UBE3D: variants seen among roughly 807,000 people sequenced by gnomAD.
UBE3D encodes the protein E3 ubiquitin-protein ligase E3D.
UBE3D carries 48 observed loss-of-function variants against 49.6 expected under a neutral mutation model. The observed-to-expected ratio is 0.97, with a 90% CI of 0.77 to 1.23. UBE3D has a LOEUF of 1.23. Among genes scored for constraint, UBE3D ranks in the 50% most tolerant of loss-of-function variants. The pLI is 0.00. For synonymous variants in UBE3D, 189 were observed against 174.2 expected, an observed-to-expected ratio of 1.08 and a Z score of -0.67; for missense variants, 452 against 468.4, an observed-to-expected ratio of 0.96 and a Z score of 0.32.
At chr6:82,895,324 A>C (rs1392634530) in intron 9 of UBE3D, among the ~76,000 whole-genome samples, 1 of 152,142 alleles carries the variant, frequency 6.6e-6, no homozygotes, top group Non-Finnish European at 1.5e-5. Context: ...AAGAAGAAAA[A>C]AAGAAAATGG....
At chr6:83,016,335 T>A (rs1780693373) in intron 8 of UBE3D, among the ~76,000 whole-genome samples, 1 of 152,190 alleles carries the variant, frequency 6.6e-6, no homozygotes. Flanking sequence ...TCCTTGCCTC[T>A]CATGAGCGGT....
chr6:82,994,528 A>G (rs60960821), intron 8 of UBE3D, among the ~76,000 whole-genome samples: 4,636 of 152,296 alleles, frequency 0.03, 114 homozygotes, highest in African/African-American at 0.066. Flanking sequence ...TGGGACAGGC[A>G]AACAGAGGCA....
chr6:83,039,763 C>T (rs1386994965), intron 4 of UBE3D, among the ~76,000 whole-genome samples: 1 of 152,102 alleles, frequency 6.6e-6, no homozygotes, highest in Non-Finnish European at 1.5e-5. Flanking sequence ...TCTGCCTCAG[C>T]CTCCCTAGTA....
At chr6:83,013,477 A>G (rs1780488174) in intron 8 of UBE3D, among the ~76,000 whole-genome samples, 1 of 152,170 alleles carries the variant, frequency 6.6e-6, no homozygotes, top group South Asian at 2.1e-4. Context: ...AGCAGCTTGC[A>G]TAGCAGCCTG....
intron 9 of UBE3D, among the ~76,000 whole-genome samples, chr6:82,915,768 A>C: frequency 6.6e-6 from 1 of 152,254 alleles, no homozygotes; most frequent in East Asian, 1.9e-4. Flanking sequence ...TCCTCTTTAA[A>C]AGGAACTTAT....
chr6:82,919,233 G>A (rs1169390187), intron 9 of UBE3D, among the ~76,000 whole-genome samples: 1 of 152,030 alleles, frequency 6.6e-6, no homozygotes, highest in Non-Finnish European at 1.5e-5. Flanking sequence ...TGGGATGTAA[G>A]TATTAATAAG....
intron 9 of UBE3D, among the ~76,000 whole-genome samples, chr6:82,919,102 C>T (rs1773132356): frequency 1.3e-5 from 2 of 152,044 alleles, no homozygotes; most frequent in Admixed American, 1.3e-4. Context: ...CCTCTTCACC[C>T]ATGTTTAGAA....
chr6:83,040,601 C>T (rs1782605657), intron 4 of UBE3D, among the ~76,000 whole-genome samples: 1 of 152,186 alleles, frequency 6.6e-6, no homozygotes, highest in South Asian at 2.1e-4. Context: ...CCTTCAGTAA[C>T]ATAAACACTT....
At chr6:82,967,866 C>A (rs540143999) in intron 8 of UBE3D, among the ~76,000 whole-genome samples, 36 of 152,104 alleles carry the variant, frequency 2.4e-4, no homozygotes, top group Admixed American at 1.7e-3. Flanking sequence ...TAGTTTCAAA[C>A]TCCTGGCCTC....
intron 8 of UBE3D, among the ~76,000 whole-genome samples, chr6:82,977,964 CTT>C (rs1777844661): frequency 6.6e-6 from 1 of 152,142 alleles, no homozygotes; most frequent in East Asian, 1.9e-4. Flanking sequence ...GATTACAAAA[CTT>C]TTCCTGTAGC....
chr6:82,881,131 T>C, the UBE3D span, among the ~76,000 whole-genome samples: 1 of 152,156 alleles, frequency 6.6e-6, no homozygotes, highest in East Asian at 1.9e-4. Context: ...GATTCAGTTG[T>C]GGAGGACCTT....
chr6:82,976,753 G>C (rs1021651375), intron 8 of UBE3D, among the ~76,000 whole-genome samples: 7 of 152,096 alleles, frequency 4.6e-5, no homozygotes, highest in Non-Finnish European at 1.0e-4. Flanking sequence ...CAGTAACTCA[G>C]AGTCTCCAGG....
chr6:82,957,961 T>C (rs1776283688), intron 8 of UBE3D, among the ~76,000 whole-genome samples: 1 of 152,194 alleles, frequency 6.6e-6, no homozygotes, highest in African/African-American at 2.4e-5. Context: ...AAAAAAAATC[T>C]TGTAACAGCC....
At chr6:83,027,088 C>A (rs1781514079) in intron 5 of UBE3D, among the ~76,000 whole-genome samples, 1 of 151,930 alleles carries the variant, frequency 6.6e-6, no homozygotes, top group South Asian at 2.1e-4. Flanking sequence ...GAACTTAGAT[C>A]TTCTATGTGG....
At chr6:82,929,752 T>A (rs994273154) in intron 9 of UBE3D, among the ~76,000 whole-genome samples, 5 of 152,166 alleles carry the variant, frequency 3.3e-5, no homozygotes, top group African/African-American at 9.7e-5. Flanking sequence ...ACTGTTTTTT[T>A]AAAGTACACA....
At chr6:82,893,081 T>A (rs750696749) in intron 9 of UBE3D, 39 bp from the exon 10 acceptor site, 1 of 1,611,592 alleles carries the variant, frequency 6.2e-7, no homozygotes, top group Non-Finnish European at 8.5e-7. Context: ...TTTACTTCTA[T>A]AATATGACAA....
intron 8 of UBE3D, among the ~76,000 whole-genome samples, chr6:82,995,280 G>A (rs1779159546): frequency 6.6e-6 from 1 of 152,144 alleles, no homozygotes. Flanking sequence ...TGACTCAGCA[G>A]TTTCAGTAAA....
At chr6:82,957,043 T>A (rs1304185466) in intron 9 of UBE3D, among the ~76,000 whole-genome samples, 1 of 151,976 alleles carries the variant, frequency 6.6e-6, no homozygotes, top group Non-Finnish European at 1.5e-5. Flanking sequence ...GCATGAGAAT[T>A]GCTTAAACCT....
intron 8 of UBE3D, among the ~76,000 whole-genome samples, chr6:82,974,167 T>C (rs1777547914): frequency 1.3e-5 from 2 of 152,288 alleles, no homozygotes; most frequent in East Asian, 1.9e-4. Context: ...CAACCTACAA[T>C]AGAAATAATG....
Sources: allele counts gnomAD v4.1 joint callset (sites outside exome capture counted in the v4.1 genomes callset), GRCh38; gene constraint gnomAD v4.1.1; transcripts MANE v1.5; gene names NCBI Gene and HGNC (gene_info 2026-07-23, HGNC 2026-07-21).